The following HDAC9 variants were observed in gnomAD, a reference collection of about 807,000 sequenced individuals.
The protein encoded by HDAC9 is histone deacetylase 9.
A neutral mutation model predicts 139.4 loss-of-function variants in HDAC9; 41 were observed. The ratio of observed to expected loss-of-function variants is 0.29; its 90% CI spans 0.23 to 0.38. HDAC9 has a LOEUF of 0.38. Ranked by LOEUF, HDAC9 falls within the 10% of genes least tolerant of loss-of-function variation. HDAC9 has a pLI of 1.00. For missense variants in HDAC9, 1,147 were observed against 1,297.0 expected, an observed-to-expected ratio of 0.88 and a Z score of 1.78; for synonymous variants, 517 against 476.2, an observed-to-expected ratio of 1.09 and a Z score of -1.12.
chr7:18,398,582 A>T (rs1787263506), intron 1 of HDAC9, among the ~76,000 whole-genome samples: 1 of 152,140 alleles, frequency 6.6e-6, no homozygotes, highest in Non-Finnish European at 1.5e-5. Context: ...AAGTGGAAAG[A>T]TACAGGATTG....
chr7:18,485,073 C>T (rs531283293), intron 1 of HDAC9, among the ~76,000 whole-genome samples: 20 of 152,184 alleles, frequency 1.3e-4, no homozygotes, highest in African/African-American at 4.8e-4. Flanking sequence ...CTGATTGATT[C>T]TTAAATAGAC....
chr7:18,191,563 C>G (rs967266715), intron 2 of HDAC9, among the ~76,000 whole-genome samples: 1 of 152,136 alleles, frequency 6.6e-6, no homozygotes, highest in Non-Finnish European at 1.5e-5. Flanking sequence ...ATGGCACAGA[C>G]AGCTAGTGAC....
At chr7:18,170,270 G>A (rs190300017) in intron 2 of HDAC9, among the ~76,000 whole-genome samples, 4 of 152,254 alleles carry the variant, frequency 2.6e-5, no homozygotes, top group African/African-American at 9.6e-5. Flanking sequence ...TTTGAGAAGT[G>A]TCTGTTCATA....
At chr7:18,206,383 T>C (rs148749378) in intron 2 of HDAC9, among the ~76,000 whole-genome samples, 63 of 152,360 alleles carry the variant, frequency 4.1e-4, no homozygotes, top group African/African-American at 1.3e-3. Flanking sequence ...TTCCAGTTTC[T>C]AAACTGTATA....
intron 2 of HDAC9, among the ~76,000 whole-genome samples, chr7:18,233,582 A>G (rs1169964064): frequency 6.6e-6 from 1 of 152,176 alleles, no homozygotes; most frequent in East Asian, 1.9e-4. Flanking sequence ...AGGATTTGAC[A>G]GCTAATTTAT....
At position 18,967,506 on chromosome 7, in the gene HDAC9, CAAA is replaced by C. The variant is rs777814332; in HGVS notation, c.3023-8290_3023-8288del. Among the ~76,000 whole-genome samples, 404 of 119,252 alleles carry C rather than the reference CAAA, an allele frequency of 3.4e-3. 10 individuals carry two copies. Among genetic ancestry groups the C allele is most frequent in the Middle Eastern group, 0.013 (3 of 228 alleles). The allele number at this position is 119,252 out of a possible 152,430, so 78.2% of individuals were successfully genotyped here. ...TTTGTAAATAAAGTTGCCCCCCCCCCAAAAAAAAAAAAGCAGGGTGTTATTGTG... is the reference window on the plus strand; with the variant it reads ...TTTGTAAATAAAGTTGCCCCCCCCCCAAAAAAAAAGCAGGGTGTTATTGTG... On this transcript the variant is annotated intron_variant, in intron 24 of 25. Transcript: ENST00000686413.
intron 1 of HDAC9, among the ~76,000 whole-genome samples, chr7:18,394,677 G>C (rs1192915947): frequency 6.6e-6 from 1 of 152,026 alleles, no homozygotes; most frequent in African/African-American, 2.4e-5. Context: ...TCAAGGGCTA[G>C]TACAATAGAC....
At chr7:18,253,003 A>G (rs1012902359) in intron 2 of HDAC9, among the ~76,000 whole-genome samples, 2 of 152,192 alleles carry the variant, frequency 1.3e-5, no homozygotes, top group Non-Finnish European at 2.9e-5. Context: ...GTGAGAACAT[A>G]CAATAATTGG....
intron 2 of HDAC9, among the ~76,000 whole-genome samples, chr7:18,217,338 C>T (rs925968934): frequency 2.4e-4 from 36 of 152,012 alleles, no homozygotes; most frequent in African/African-American, 8.7e-4. Flanking sequence ...TTTTCCTTCT[C>T]CAAATACTTT....
At chr7:18,203,832 T>C (rs1791304210) in intron 2 of HDAC9, among the ~76,000 whole-genome samples, 1 of 152,226 alleles carries the variant, frequency 6.6e-6, no homozygotes, top group Non-Finnish European at 1.5e-5. Flanking sequence ...CACCTGTGAT[T>C]GTGGCAGAAC....
At chr7:18,963,108 A>G (rs1252524372) in intron 24 of HDAC9, among the ~76,000 whole-genome samples, 1 of 152,184 alleles carries the variant, frequency 6.6e-6, no homozygotes, top group Non-Finnish European at 1.5e-5. Context: ...CATTAAAACA[A>G]TCTATTGAAA....
At chr7:18,790,740 T>A (rs1312990668) in intron 16 of HDAC9, among the ~76,000 whole-genome samples, 1 of 152,204 alleles carries the variant, frequency 6.6e-6, no homozygotes, top group Non-Finnish European at 1.5e-5. Context: ...ATATTGTTTT[T>A]GTTTAAATAT....
chr7:18,477,755 G>A (rs749671453), intron 1 of HDAC9, among the ~76,000 whole-genome samples: 19 of 151,894 alleles, frequency 1.3e-4, no homozygotes, highest in Non-Finnish European at 2.5e-4. Flanking sequence ...TATCACATGC[G>A]TTCATGAAAA....
At chr7:18,136,659 C>G (rs1039512011) in intron 1 of HDAC9, among the ~76,000 whole-genome samples, 29 of 152,060 alleles carry the variant, frequency 1.9e-4, no homozygotes, top group African/African-American at 6.8e-4. Context: ...TTCCATTGAT[C>G]TATATCTCTG....
At chr7:18,897,449 T>A (rs556828512) in intron 22 of HDAC9, among the ~76,000 whole-genome samples, 3 of 152,004 alleles carry the variant, frequency 2.0e-5, no homozygotes, top group Non-Finnish European at 4.4e-5. Flanking sequence ...AAAAATAATG[T>A]GACTCCTAAA....
intron 2 of HDAC9, among the ~76,000 whole-genome samples, chr7:18,563,445 A>C (rs866100717): frequency 6.6e-6 from 1 of 151,882 alleles, no homozygotes; most frequent in Non-Finnish European, 1.5e-5. Context: ...TTTTGTTGTT[A>C]TTGTTAGCTT....
intron 17 of HDAC9, among the ~76,000 whole-genome samples, chr7:18,827,663 C>A (rs1276015606): frequency 6.6e-6 from 1 of 152,034 alleles, no homozygotes; most frequent in African/African-American, 2.4e-5. Flanking sequence ...TACCTTTAAC[C>A]CATTAAACAT....
At chr7:18,568,687 C>A (rs1220568099) in intron 2 of HDAC9, among the ~76,000 whole-genome samples, 1 of 152,142 alleles carries the variant, frequency 6.6e-6, no homozygotes, top group Non-Finnish European at 1.5e-5. Flanking sequence ...TAACCTAATT[C>A]ATTCAACCAT....
intron 12 of HDAC9, among the ~76,000 whole-genome samples, chr7:18,717,612 G>C (rs1784801638): frequency 6.6e-6 from 1 of 151,890 alleles, no homozygotes; most frequent in Non-Finnish European, 1.5e-5. Flanking sequence ...TGTATTTTTA[G>C]TGGAGATGGG....
Sources: gnomAD v4.1 joint callset for allele counts (sites outside exome capture counted in the v4.1 genomes callset) on GRCh38, gnomAD v4.1.1 for gene constraint, MANE v1.5 for transcripts, NCBI Gene and HGNC (gene_info 2026-07-23, HGNC 2026-07-21) for gene names.